Variants in THSD4 observed in about 807,000 individuals in gnomAD.
THSD4 encodes the protein thrombospondin type-1 domain-containing protein 4.
A neutral mutation model predicts 119.0 loss-of-function variants in THSD4; 69 were observed. The ratio of observed to expected loss-of-function variants is 0.58; its 90% CI spans 0.48 to 0.71. The LOEUF (loss-of-function observed/expected upper bound fraction) is 0.71. THSD4 is among the 30% of genes least tolerant of loss of function. The pLI, the probability that THSD4 is intolerant of heterozygous loss-of-function variation, is 0.00. For missense variants in THSD4, 1,393 were observed against 1,391.1 expected, an observed-to-expected ratio of 1.00 and a Z score of -0.02; for synonymous variants, 524 against 540.4, an observed-to-expected ratio of 0.97 and a Z score of 0.42.
chr15:71,421,735 A>G (rs1346981320), intron 7 of THSD4, among the ~76,000 whole-genome samples: 2 of 151,892 alleles, frequency 1.3e-5, no homozygotes, highest in African/African-American at 2.4e-5. Flanking sequence ...GTTCTCTGTT[A>G]TTATCCCTTT....
At chr15:71,573,760 A>G (rs889464720) in intron 7 of THSD4, among the ~76,000 whole-genome samples, 2 of 152,224 alleles carry the variant, frequency 1.3e-5, no homozygotes, top group African/African-American at 4.8e-5. Flanking sequence ...ATTATGAGCT[A>G]TAATAAATGT....
At position 71,284,314 on chromosome 15, in the gene THSD4, A is replaced by G. The variant is rs192583828; in HGVS notation, c.1015+27599A>G. 7.2e-5 allele frequency among the ~76,000 whole-genome samples: 11 copies of G among 152,338 alleles called. No individual in the cohort carries two copies. The East Asian group carries it at 1.7e-3, about 24-fold the overall frequency. On this transcript the variant is annotated intron_variant, in intron 6 of 17. Coordinates refer to ENST00000261862, the MANE Select transcript of THSD4 (RefSeq NM_024817.3). Reference sequence around the variant, plus strand: ...AAAAAGAGTGCTAATGCTACATTATAATAAGTTCTGGGTCCAGGCAGCCTC... The same window carrying G: ...AAAAAGAGTGCTAATGCTACATTATGATAAGTTCTGGGTCCAGGCAGCCTC...
intron 7 of THSD4, among the ~76,000 whole-genome samples, chr15:71,655,336 T>C (rs2051168665): frequency 6.6e-6 from 1 of 152,216 alleles, no homozygotes; most frequent in Admixed American, 6.5e-5. Context: ...TTGGCCGATT[T>C]TGTTTTGTTT....
chr15:71,410,139 G>A (rs1359609041), intron 6 of THSD4, among the ~76,000 whole-genome samples: 1 of 152,072 alleles, frequency 6.6e-6, no homozygotes, highest in Non-Finnish European at 1.5e-5. Flanking sequence ...CAGGAGGAGG[G>A]GAGAGAAAGA....
chr15:71,591,286 T>TCCC (rs2049798063), intron 7 of THSD4, among the ~76,000 whole-genome samples: 1 of 152,228 alleles, frequency 6.6e-6, no homozygotes, highest in Non-Finnish European at 1.5e-5. Flanking sequence ...CAATTGGCTG[T>TCCC]CCATGGCTTT....
intron 7 of THSD4, among the ~76,000 whole-genome samples, chr15:71,474,573 C>T (rs541573758): frequency 1.2e-3 from 189 of 152,214 alleles, no homozygotes; most frequent in African/African-American, 4.4e-3. Flanking sequence ...TTCATGCAAC[C>T]AGTCCACCGT....
chr15:71,422,771 T>C (rs1372016657), intron 7 of THSD4, among the ~76,000 whole-genome samples: 1 of 152,180 alleles, frequency 6.6e-6, no homozygotes, highest in Non-Finnish European at 1.5e-5. Context: ...TCCTTCCCTT[T>C]AGGGTGGCAA....
upstream of THSD4, chr15:71,112,420 T>C (rs745881178): frequency 6.2e-6 from 3 of 487,074 alleles, no homozygotes; most frequent in Non-Finnish European, 1.0e-5. Flanking sequence ...TTATGTTTCT[T>C]GTCTGTCCCT....
At position 71,631,032 on chromosome 15, in the gene THSD4, A is replaced by G. The variant is rs540575670; in HGVS notation, c.1153-29498A>G. On this transcript the variant is annotated intron_variant, in intron 7 of 17. Coordinates refer to ENST00000261862, the MANE Select transcript of THSD4 (RefSeq NM_024817.3). ...TGGACAATCAAAAACACCCGCAGAC[A>G]TTTCCCAGTGTCTCCTGGGGAGGGC... Among the ~76,000 whole-genome samples the G allele has an allele frequency of 1.1e-3, 161 of 152,160 alleles. 1 individual carries two copies. Among genetic ancestry groups the G allele is most frequent in the African/African-American group, 3.7e-3 (153 of 41,504 alleles).
intron 7 of THSD4, among the ~76,000 whole-genome samples, chr15:71,489,929 T>C (rs561359873): frequency 2.0e-5 from 3 of 152,178 alleles, no homozygotes; most frequent in Non-Finnish European, 4.4e-5. Context: ...ACTGTTAAAA[T>C]CTTTGTGTAT....
In THSD4 at chr15:71,198,755, G is replaced by A. The variant is rs112429445; in HGVS notation, c.100-16280G>A. On this transcript the variant is annotated intron_variant, in intron 3 of 17. Coordinates refer to ENST00000261862, the MANE Select transcript of THSD4 (RefSeq NM_024817.3). The stretch of plus-strand genomic sequence containing the variant: ...TGGGCTCTAGGTAGAGTTAAGTCTT[G>A]TAGCCATGCATGTGGGGACACTCCA... Among the ~76,000 whole-genome samples the A allele has an allele frequency of 9.8e-5, 15 of 152,328 alleles. No individual in the cohort carries two copies. The South Asian group carries it at 2.5e-3, about 25-fold the overall frequency.
At chr15:71,682,864 C>A in intron 8 of THSD4, among the ~76,000 whole-genome samples, 1 of 17,968 alleles carries the variant, frequency 5.6e-5, no homozygotes, top group African/African-American at 1.6e-4. Flanking sequence ...TACTTTCTTT[C>A]TTTCTTTCTT....
rs1269396774 is a variant in THSD4, at chr15:71,215,205, C to T, written c.270C>T (p.Gly90=). Reference sequence around the variant, plus strand: ...CCCGCTCCTACCGCCTGCGCGGCGGCCAGCGGCCTGGCGCCCCTGCGCGCG... The same window carrying T: ...CCCGCTCCTACCGCCTGCGCGGCGGTCAGCGGCCTGGCGCCCCTGCGCGCG... ...CLPRSYRLRG[G]QRPGAPARAF... is the part of the protein sequence containing the mutation. Residue 90 remains glycine (G), a synonymous_variant, in exon 4 of 18, where the codon GGC becomes GGT. Coordinates refer to ENST00000261862, the MANE Select transcript of THSD4 (RefSeq NM_024817.3). 7.3e-7 allele frequency: 1 copy of T among 1,361,402 alleles called. No individual in the cohort carries two copies. The highest frequency in any genetic ancestry group is 1.7e-5 in the South Asian group (1 of 58,664). 84.3% of individuals were successfully genotyped at this position (1,361,402 alleles called of 1,614,324 possible). A position where few individuals can be genotyped will look rare whatever the true frequency, so the allele number is the denominator to read the frequency against.
At chr15:71,536,134 C>G (rs1245178766) in intron 7 of THSD4, among the ~76,000 whole-genome samples, 2 of 152,106 alleles carry the variant, frequency 1.3e-5, no homozygotes, top group East Asian at 3.8e-4. Flanking sequence ...CATCAGATAA[C>G]AAATTTATTA....
At chr15:71,460,544 C>G (rs2047415925) in intron 7 of THSD4, among the ~76,000 whole-genome samples, 1 of 152,128 alleles carries the variant, frequency 6.6e-6, no homozygotes, top group Non-Finnish European at 1.5e-5. Flanking sequence ...GAACTCACAT[C>G]AGAAGCTGAC....
intron 8 of THSD4, among the ~76,000 whole-genome samples, chr15:71,671,234 GTGA>G (rs1313149687): frequency 1.3e-5 from 2 of 152,220 alleles, no homozygotes; most frequent in Non-Finnish European, 2.9e-5. Context: ...CTGATGGCCA[GTGA>G]TGGTGAGCAT....
chr15:71,570,526 C>A (rs1199192614), intron 7 of THSD4, among the ~76,000 whole-genome samples: 1 of 152,100 alleles, frequency 6.6e-6, no homozygotes, highest in Non-Finnish European at 1.5e-5. Context: ...CCTGCCTCAG[C>A]CTCCCAAGTA....
chr15:71,688,707 C>CTCTGTG (rs1555441610), intron 8 of THSD4, among the ~76,000 whole-genome samples: 2 of 133,438 alleles, frequency 1.5e-5, no homozygotes, highest in African/African-American at 5.8e-5. Flanking sequence ...TTTTGTATCT[C>CTCTGTG]TGTGTGTGTG....
At chr15:71,404,545 A>G (rs2046579268) in intron 6 of THSD4, among the ~76,000 whole-genome samples, 2 of 152,202 alleles carry the variant, frequency 1.3e-5, no homozygotes, top group South Asian at 2.1e-4. Flanking sequence ...TGCTGCTGCT[A>G]TATCTGAATG....
Sources: allele counts gnomAD v4.1 joint callset (sites outside exome capture counted in the v4.1 genomes callset), GRCh38; gene constraint gnomAD v4.1.1; transcripts MANE v1.5; gene names NCBI Gene and HGNC (gene_info 2026-07-23, HGNC 2026-07-21).